Variants in BTRC observed in about 807,000 individuals in gnomAD.
BTRC encodes F-box/WD repeat-containing protein 1A.
Under a neutral mutation model 85.5 loss-of-function variants are expected in BTRC, and 42 were observed. That is an observed-to-expected ratio of 0.49 (90% CI 0.38 to 0.64). The LOEUF is 0.64. Among genes scored for constraint, BTRC ranks in the 30% least tolerant of loss-of-function variants. The pLI, the probability that BTRC is intolerant of heterozygous loss-of-function variation, is 0.00. For missense variants in BTRC, 594 were observed against 743.5 expected, an observed-to-expected ratio of 0.80 and a Z score of 2.34; for synonymous variants, 255 against 263.3, an observed-to-expected ratio of 0.97 and a Z score of 0.30.
At chr10:101,386,647 A>G (rs748688605) in intron 1 of BTRC, among the ~76,000 whole-genome samples, 2 of 152,186 alleles carry the variant, frequency 1.3e-5, no homozygotes, top group Non-Finnish European at 2.9e-5. Context: ...CACATGAAGA[A>G]CCAAGGACTT....
intron 13 of BTRC, 132 bp downstream of exon 13, chr10:101,538,503 A>G (rs970736251): frequency 1.3e-6 from 1 of 743,072 alleles, no homozygotes; most frequent in African/African-American, 1.8e-5. Context: ...TGGTAAGGCA[A>G]CCAGTACATG....
chr10:101,517,640 CCCATTTGTGA>C (rs1365614661), intron 4 of BTRC, among the ~76,000 whole-genome samples: 1 of 152,112 alleles, frequency 6.6e-6, no homozygotes, highest in African/African-American at 2.4e-5. Context: ...CCCAGTTGTA[CCCATTTGTGA>C]TTATCCTTTA....
intron 2 of BTRC, among the ~76,000 whole-genome samples, chr10:101,453,963 C>G (rs1945012111): frequency 6.6e-6 from 1 of 152,184 alleles, no homozygotes; most frequent in African/African-American, 2.4e-5. Context: ...AATGGATGGG[C>G]ATGGCTATGG....
At chr10:101,422,711 T>C (rs1334646149) in intron 1 of BTRC, among the ~76,000 whole-genome samples, 2 of 152,222 alleles carry the variant, frequency 1.3e-5, no homozygotes, top group African/African-American at 4.8e-5. Context: ...CCCAGCACCA[T>C]TTATTAAATA....
chr10:101,357,502 A>G (rs1490676536), intron 1 of BTRC, among the ~76,000 whole-genome samples: 1 of 151,656 alleles, frequency 6.6e-6, no homozygotes, highest in Non-Finnish European at 1.5e-5. Context: ...AGTGCACAGT[A>G]CACATGGAAG....
rs1236492411 is a variant in BTRC, at chr10:101,522,354, AAAAAAAAAAAAACAAAAAAAAAC to A, written c.556+497_556+519del. ...CACGCCCAGCTGGTATAAAGCTTTA[AAAAAAAAAAAAACAAAAAAAAAC>A]AAAAAAAAAAAAACTCTAGAAATAA... On this transcript the variant is annotated intron_variant, in intron 5 of 14. Transcript: ENST00000370187. Among the ~76,000 whole-genome samples, 5 of 46,130 alleles carry A rather than the reference AAAAAAAAAAAAACAAAAAAAAAC, an allele frequency of 1.1e-4. 1 individual carries two copies. Among genetic ancestry groups the A allele is most frequent in the South Asian group, 6.9e-4 (1 of 1,442 alleles). 30.3% of individuals were successfully genotyped at this position (46,130 alleles called of 152,430 possible). A position where few individuals can be genotyped will look rare whatever the true frequency, so the allele number is the denominator to read the frequency against.
intron 1 of BTRC, among the ~76,000 whole-genome samples, chr10:101,373,766 A>G (rs183780662): frequency 4.2e-4 from 64 of 152,156 alleles, no homozygotes; most frequent in African/African-American, 1.5e-3. Context: ...AAAATACAAA[A>G]AATTAGCCAG....
At chr10:101,417,010 G>GT (rs5787430) in intron 1 of BTRC, among the ~76,000 whole-genome samples, 95,044 of 151,018 alleles carry the variant, frequency 0.63, 30,778 homozygotes, top group East Asian at 0.86. Context: ...AATGCAAATT[G>GT]TTTTTTTTTC....
chr10:101,445,532 G>A (rs191270907), intron 2 of BTRC, among the ~76,000 whole-genome samples: 18 of 152,106 alleles, frequency 1.2e-4, no homozygotes, highest in African/African-American at 2.2e-4. Context: ...CACTTCACCC[G>A]CCTGAAACTA....
chr10:101,361,383 G>C (rs1942202012), intron 1 of BTRC, among the ~76,000 whole-genome samples: 1 of 152,198 alleles, frequency 6.6e-6, no homozygotes, highest in Non-Finnish European at 1.5e-5. Flanking sequence ...TGGGATTACA[G>C]GCATGTGCCA....
chr10:101,479,904 G>T (rs1410484203), intron 4 of BTRC, among the ~76,000 whole-genome samples: 1 of 152,090 alleles, frequency 6.6e-6, no homozygotes, highest in African/African-American at 2.4e-5. Context: ...TGCTTTTGTT[G>T]ATCTTGATCC....
intron 1 of BTRC, among the ~76,000 whole-genome samples, chr10:101,370,681 C>T (rs1942609536): frequency 6.6e-6 from 1 of 151,338 alleles, no homozygotes; most frequent in Non-Finnish European, 1.5e-5. Context: ...GCGATCCTCC[C>T]ACCTCAACTT....
intron 1 of BTRC, among the ~76,000 whole-genome samples, chr10:101,400,342 C>G (rs1288941102): frequency 6.6e-6 from 1 of 152,158 alleles, no homozygotes; most frequent in Non-Finnish European, 1.5e-5. Context: ...TTCTCTACTT[C>G]TACACAAAAG....
At chr10:101,524,638 C>T (rs1212792382) in intron 5 of BTRC, among the ~76,000 whole-genome samples, 1 of 152,090 alleles carries the variant, frequency 6.6e-6, no homozygotes, top group African/African-American at 2.4e-5. Flanking sequence ...TGATCAGGAA[C>T]AATTTGATGG....
chr10:101,550,925 G>T, intron 14 of BTRC, 34 bp downstream of exon 14: 1 of 1,515,130 alleles, frequency 6.6e-7, no homozygotes, highest in African/African-American at 1.4e-5. Flanking sequence ...AACACTGTGG[G>T]TAGGAGACGG....
chr10:101,485,972 C>T (rs1003024465), intron 4 of BTRC, among the ~76,000 whole-genome samples: 3 of 152,170 alleles, frequency 2.0e-5, no homozygotes, highest in Non-Finnish European at 4.4e-5. Context: ...ACGATCAATT[C>T]GCCTCGTTTT....
intron 1 of BTRC, among the ~76,000 whole-genome samples, chr10:101,389,033 A>T (rs1453224135): frequency 6.6e-6 from 1 of 150,734 alleles, no homozygotes; most frequent in Non-Finnish European, 1.5e-5. Flanking sequence ...AATAGTCTCT[A>T]ACCCATCCTT....
chr10:101,363,897 A>T (rs2134489377), intron 1 of BTRC, among the ~76,000 whole-genome samples: 1 of 152,316 alleles, frequency 6.6e-6, no homozygotes, highest in Non-Finnish European at 1.5e-5. Flanking sequence ...TTGTCACAGT[A>T]TCATTTCAGT....
intron 1 of BTRC, among the ~76,000 whole-genome samples, chr10:101,407,633 C>T (rs545205227): frequency 1.3e-5 from 2 of 152,240 alleles, no homozygotes; most frequent in East Asian, 1.9e-4. Context: ...TCAGGCAATC[C>T]GCCCACCTTG....
Sources: gnomAD v4.1 joint callset for allele counts (sites outside exome capture counted in the v4.1 genomes callset) on GRCh38, gnomAD v4.1.1 for gene constraint, MANE v1.5 for transcripts, NCBI Gene and HGNC (gene_info 2026-07-23, HGNC 2026-07-21) for gene names.